The following RGS13 variants were observed in gnomAD, a reference collection of about 807,000 sequenced individuals.
RGS13 encodes the protein regulator of G protein signaling 13.
A neutral mutation model predicts 19.9 loss-of-function variants in RGS13; 14 were observed. The observed-to-expected ratio is 0.70, with a 90% CI of 0.46 to 1.10. The LOEUF (loss-of-function observed/expected upper bound fraction) is 1.10, where lower values mean the gene tolerates loss of function less well. Ranked by LOEUF, RGS13 falls within the 50% of genes least tolerant of loss-of-function variation. The pLI is 0.00. For synonymous variants in RGS13, 60 were observed against 56.8 expected, an observed-to-expected ratio of 1.06 and a Z score of -0.25; for missense variants, 205 against 187.1, an observed-to-expected ratio of 1.10 and a Z score of -0.56.
intron 1 of RGS13, among the ~76,000 whole-genome samples, chr1:192,636,734 G>A (rs994758876): frequency 6.6e-6 from 1 of 151,906 alleles, no homozygotes; most frequent in African/African-American, 2.4e-5. Flanking sequence ...CTGTACTGAA[G>A]CCAGGTGTGG....
chr1:192,636,660 C>G (rs1041373099), intron 1 of RGS13, among the ~76,000 whole-genome samples: 10 of 151,916 alleles, frequency 6.6e-5, no homozygotes, highest in African/African-American at 2.4e-4. Flanking sequence ...TAAAATCAGA[C>G]ATAGCTGAAT....
In RGS13 at chr1:192,659,701, A is replaced by G. The variant is rs1264714859; in HGVS notation, c.*178A>G. 7.2e-6 allele frequency: 4 copies of G among 556,958 alleles called. No homozygotes were observed. The highest frequency in any genetic ancestry group is 1.3e-5 in the Non-Finnish European group (4 of 317,544). The allele number at this position is 556,958 out of a possible 1,614,324, so 34.5% of individuals were successfully genotyped here. On this transcript the variant is annotated 3_prime_UTR_variant, in exon 7 of 7. Coordinates refer to ENST00000391995, the MANE Select transcript of RGS13 (RefSeq NM_002927.5). ...AAAAGCAATGGAATCTAGAATTCTT[A>G]TAACATGAATAACAAAATGTACAGC...
chr1:192,650,353 G>A (rs1663313971), intron 5 of RGS13, among the ~76,000 whole-genome samples: 1 of 151,966 alleles, frequency 6.6e-6, no homozygotes, highest in South Asian at 2.1e-4. Context: ...CACATAATAA[G>A]TAATAAAACG....
chr1:192,651,576 T>C (rs1052844414), intron 5 of RGS13, among the ~76,000 whole-genome samples: 1 of 150,502 alleles, frequency 6.6e-6, no homozygotes, highest in African/African-American at 2.5e-5. Context: ...ATAAGAAAAA[T>C]AGAGGAATGC....
chr1:192,639,551 G>T lies in RGS13; in HGVS notation c.-5+1348G>T, dbSNP rs572399031. Among the ~76,000 whole-genome samples, 40 of 152,264 alleles carry T rather than the reference G, an allele frequency of 2.6e-4. No individual in the cohort carries two copies. The South Asian group carries it at 8.3e-3, about 32-fold the overall frequency. On this transcript the variant is annotated intron_variant, in intron 3 of 6. Coordinates refer to ENST00000391995, the MANE Select transcript of RGS13 (RefSeq NM_002927.5). Reference sequence around the variant, plus strand: ...TTGAAGAATGAATAAAGTTAATGGGGAAAACTTGTGAGATCTGAGATGAAA... The same window carrying T: ...TTGAAGAATGAATAAAGTTAATGGGTAAAACTTGTGAGATCTGAGATGAAA...
intron 5 of RGS13, among the ~76,000 whole-genome samples, chr1:192,656,648 T>C (rs1663449501): frequency 6.6e-6 from 1 of 152,124 alleles, no homozygotes; most frequent in Admixed American, 6.6e-5. Context: ...TCTCATGTTA[T>C]GTCCTTGTTG....
intron 5 of RGS13, among the ~76,000 whole-genome samples, chr1:192,652,333 CAG>C (rs1663357513): frequency 6.6e-6 from 1 of 152,024 alleles, no homozygotes; most frequent in Admixed American, 6.6e-5. Flanking sequence ...ATCCTGATCC[CAG>C]AGTCATTCTC....
At chr1:192,641,744 T>C (rs1663125891) in intron 3 of RGS13, among the ~76,000 whole-genome samples, 1 of 152,170 alleles carries the variant, frequency 6.6e-6, no homozygotes, top group Non-Finnish European at 1.5e-5. Flanking sequence ...GCTGTCTGCT[T>C]TTTACAGTTC....
intron 5 of RGS13, among the ~76,000 whole-genome samples, chr1:192,655,429 C>T (rs977512819): frequency 3.3e-5 from 5 of 152,096 alleles, no homozygotes; most frequent in African/African-American, 1.2e-4. Flanking sequence ...AGCTCTATTC[C>T]ATGTCTTCAT....
chr1:192,640,796 G>A (rs1663090395), intron 3 of RGS13, among the ~76,000 whole-genome samples: 2 of 152,074 alleles, frequency 1.3e-5, no homozygotes, highest in East Asian at 1.9e-4. Context: ...AGTTACAAGA[G>A]AATAGTAACT....
intron 5 of RGS13, 59 bp downstream of exon 5, chr1:192,648,046 A>C: frequency 8.4e-7 from 1 of 1,188,704 alleles, no homozygotes; most frequent in Non-Finnish European, 1.2e-6. Flanking sequence ...TTAGAGGTAA[A>C]GGTGGGGGTG....
chr1:192,644,268 T>C (rs1663176941), intron 3 of RGS13, 63 bp from the exon 4 acceptor site: 1 of 1,197,580 alleles, frequency 8.4e-7, no homozygotes, highest in Non-Finnish European at 1.2e-6. Context: ...CCTTAGAAAC[T>C]GACTGTAACA....
At chr1:192,638,953 C>T (rs185452391) in intron 3 of RGS13, among the ~76,000 whole-genome samples, 2 of 152,134 alleles carry the variant, frequency 1.3e-5, no homozygotes, top group East Asian at 1.9e-4. Flanking sequence ...ATTTAGGAAA[C>T]TTAAAGTCTA....
chr1:192,642,338 T>C (rs1460562029), intron 3 of RGS13, among the ~76,000 whole-genome samples: 2 of 149,870 alleles, frequency 1.3e-5, no homozygotes, highest in African/African-American at 5.0e-5. Context: ...TTTTTTTTTT[T>C]TGAGATAAGG....
intron 3 of RGS13, among the ~76,000 whole-genome samples, chr1:192,641,830 C>T (rs1173408201): frequency 2.0e-5 from 3 of 152,096 alleles, no homozygotes; most frequent in African/African-American, 7.2e-5. Context: ...GAAAATAGCC[C>T]ACCTTTATCC....
At position 192,659,925 on chromosome 1, in the gene RGS13, C is replaced by T. The variant is rs994906876; in HGVS notation, c.*402C>T. ...TCTAGCATGAATGTTCTATAGAGTA[C>T]TCTAAATAACTTGAATTTATAGACA... On this transcript the variant is annotated 3_prime_UTR_variant, in exon 7 of 7. Coordinates refer to ENST00000391995, the MANE Select transcript of RGS13 (RefSeq NM_002927.5). The T allele has an allele frequency of 6.4e-6, 1 of 156,968 alleles. No individual in the cohort carries two copies. The highest frequency in any genetic ancestry group is 1.4e-5 in the Non-Finnish European group (1 of 71,724). 9.7% of individuals were successfully genotyped at this position (156,968 alleles called of 1,614,324 possible).
At chr1:192,659,088 T>A (rs974165208) in intron 6 of RGS13, 2 of 309,550 alleles carry the variant, frequency 6.5e-6, no homozygotes, top group African/African-American at 4.3e-5. Flanking sequence ...GCCATGGTTT[T>A]GGAAACTTCC....
chr1:192,654,051 T>G (rs1047407226), intron 5 of RGS13, among the ~76,000 whole-genome samples: 11 of 151,994 alleles, frequency 7.2e-5, no homozygotes, highest in African/African-American at 2.7e-4. Context: ...TGTATACATA[T>G]GTAACAAACC....
intron 5 of RGS13, among the ~76,000 whole-genome samples, chr1:192,656,440 T>G (rs1042072735): frequency 1.3e-5 from 2 of 152,084 alleles, no homozygotes; most frequent in African/African-American, 2.4e-5. Flanking sequence ...TTCCTGCATC[T>G]GTGTTCTCTG....
Sources: allele counts gnomAD v4.1 joint callset (sites outside exome capture counted in the v4.1 genomes callset), GRCh38; gene constraint gnomAD v4.1.1; transcripts MANE v1.5; gene names NCBI Gene and HGNC (gene_info 2026-07-23, HGNC 2026-07-21).